SMARCA2: variants seen among roughly 807,000 people sequenced by gnomAD.
SMARCA2 encodes the protein SWI/SNF related BAF chromatin remodeling complex subunit ATPase 2.
A neutral mutation model predicts 199.8 loss-of-function variants in SMARCA2; 61 were observed. The observed-to-expected ratio is 0.31, with a 90% confidence interval of 0.25 to 0.38. The LOEUF (loss-of-function observed/expected upper bound fraction) is 0.38. Ranked by LOEUF, SMARCA2 falls within the 10% of genes least tolerant of loss-of-function variation. SMARCA2 has a pLI of 1.00. For synonymous variants in SMARCA2, 935 were observed against 732.0 expected (o/e 1.28, Z -4.48); for missense variants, 1,344 against 2,012.2 (o/e 0.67, Z 6.35).
chr9:2,030,598 C>T (rs1299281886), intron 2 of SMARCA2, among the ~76,000 whole-genome samples: 1 of 150,452 alleles, frequency 6.6e-6, no homozygotes, highest in Admixed American at 6.6e-5. Context: ...GTGAGGCCCA[C>T]CGACATTGCT....
At chr9:2,107,914 G>A (rs896577976) in intron 23 of SMARCA2, among the ~76,000 whole-genome samples, 2 of 152,074 alleles carry the variant, frequency 1.3e-5, no homozygotes, top group African/African-American at 2.4e-5. Context: ...AAAGATGGAA[G>A]AACAGCCCTC....
rs1367625549 is a variant in SMARCA2, at chr9:2,028,976, T to C, written c.-36-11T>C. 6.5e-7 allele frequency: 1 copy of C among 1,538,694 alleles called. No individual in the cohort carries two copies. Among genetic ancestry groups the C allele is most frequent in the Admixed American group, 2.1e-5 (1 of 47,022 alleles). ...AAAACATGCCTTCCTTTTTTCTGCT[T>C]TTCAACTTAGCATTACTCTACTGAC... On this transcript the variant is annotated splice_polypyrimidine_tract_variant and intron_variant, in intron 1 of 33. Transcript: ENST00000349721.
intron 27 of SMARCA2, among the ~76,000 whole-genome samples, chr9:2,144,078 G>GA (rs1302073018): frequency 5.3e-5 from 8 of 151,860 alleles, no homozygotes; most frequent in African/African-American, 1.2e-4. Flanking sequence ...GATGGGGGGG[G>GA]ATGTAGGCAT....
In SMARCA2 at chr9:2,046,218, T is replaced by C. The variant is rs1369883459; in HGVS notation, c.791-1011T>C. On this transcript the variant is annotated intron_variant, in intron 4 of 33. Transcript: ENST00000349721. ...GGTAGCATCACTAAAATTATAATTT[T>C]AAGGCAACTGAAAATTCATCTAGGA... Among the ~76,000 whole-genome samples, 4 of 152,210 alleles carry C rather than the reference T, an allele frequency of 2.6e-5. No individual in the cohort carries two copies. The East Asian group carries it at 5.8e-4, about 22-fold the overall frequency.
intron 10 of SMARCA2, among the ~76,000 whole-genome samples, chr9:2,070,944 A>G (rs1338654930): frequency 6.6e-6 from 1 of 152,202 alleles, no homozygotes; most frequent in Non-Finnish European, 1.5e-5. Flanking sequence ...TTCTATGTGT[A>G]TGTTCATCAG....
At chr9:2,158,003 G>T in intron 27 of SMARCA2, 1 of 396,294 alleles carries the variant, frequency 2.5e-6, no homozygotes, top group South Asian at 1.3e-4. Context: ...AATCCTGCAT[G>T]ACTGTCTCCT....
Position 2,104,230 on chromosome 9 carries a change from A to G in SMARCA2, c.3292+61A>G, listed in dbSNP as rs539280353. 3.2e-5 allele frequency: 46 copies of G among 1,437,438 alleles called. No individual in the cohort carries two copies. The African/African-American group carries it at 5.6e-4, about 18-fold the overall frequency. The allele number at this position is 1,437,438 out of a possible 1,614,324, so 89.0% of individuals were successfully genotyped here. On this transcript the variant is annotated intron_variant, in intron 23 of 33. Transcript: ENST00000349721. The surrounding 1 kb of genome is among the most constrained non-coding windows in gnomAD (Gnocchi z 4.0). Reference sequence around the variant, plus strand: ...TACTGAAAATGAAGGGATAATGGGCACTTAGGTCCAATCTCAGCCAAAAAG... The same window carrying G: ...TACTGAAAATGAAGGGATAATGGGCGCTTAGGTCCAATCTCAGCCAAAAAG...
At chr9:2,064,210 G>C (rs563749110) in intron 9 of SMARCA2, among the ~76,000 whole-genome samples, 1 of 152,316 alleles carries the variant, frequency 6.6e-6, no homozygotes, top group South Asian at 2.1e-4. Flanking sequence ...ACCACTGTCT[G>C]AGTCGTGTTA....
intron 27 of SMARCA2, among the ~76,000 whole-genome samples, chr9:2,144,616 C>A (rs968758482): frequency 6.6e-6 from 1 of 152,178 alleles, no homozygotes; most frequent in Non-Finnish European, 1.5e-5. Context: ...AAAGCACTCA[C>A]CATATGGAGG....
chr9:2,119,423 T>C lies in SMARCA2; in HGVS notation c.3685-35T>C. 1 of 1,439,378 alleles carries C rather than the reference T, an allele frequency of 6.9e-7. No homozygotes were observed. Among genetic ancestry groups the C allele is most frequent in the Non-Finnish European group, 9.8e-7 (1 of 1,020,750 alleles). The allele number at this position is 1,439,378 out of a possible 1,614,324, so 89.2% of individuals were successfully genotyped here. A position where few individuals can be genotyped will look rare whatever the true frequency, so the allele number is the denominator to read the frequency against. ...ACTTGTTTGTACCTTGCCCCAGCTG[T>C]CCACTGGTTAAAATCACTCTGTTTT... On this transcript the variant is annotated intron_variant, in intron 25 of 33. Transcript: ENST00000349721. The surrounding 1 kb of genome is among the most constrained non-coding windows in gnomAD (Gnocchi z 4.6).
At chr9:2,146,967 T>G (rs2130705696) in intron 27 of SMARCA2, among the ~76,000 whole-genome samples, 1 of 152,312 alleles carries the variant, frequency 6.6e-6, no homozygotes, top group East Asian at 1.9e-4. Context: ...TGACAATGCC[T>G]TAACTGTCTG....
Position 2,086,707 on chromosome 9 carries a change from T to C in SMARCA2, c.2527-122T>C. 1.0e-6 allele frequency: 1 copy of C among 1,001,918 alleles called. No individual in the cohort carries two copies. The highest frequency in any genetic ancestry group is 1.5e-5 in the South Asian group (1 of 66,796). 62.1% of individuals were successfully genotyped at this position (1,001,918 alleles called of 1,614,324 possible). Reference sequence around the variant, plus strand: ...TGTTGAGATTCCCTTGTCTCAAAGGTAATCACAGCATATCATATACCAAGG... The same window carrying C: ...TGTTGAGATTCCCTTGTCTCAAAGGCAATCACAGCATATCATATACCAAGG... On this transcript the variant is annotated intron_variant, in intron 17 of 33. Transcript: ENST00000349721. The surrounding 1 kb of genome is among the most constrained non-coding windows in gnomAD (Gnocchi z 4.3).
At position 2,151,012 on chromosome 9, in the gene SMARCA2, T is replaced by C. The variant is rs1474795203; in HGVS notation, c.3982-10674T>C. On this transcript the variant is annotated intron_variant, in intron 27 of 33. Coordinates refer to ENST00000349721, the MANE Select transcript of SMARCA2 (RefSeq NM_003070.5). ...AGTCTTGGGGATTAGGACCTCAACGTATGAATTTTAGAGGGATGCAGTTCA... is the reference window on the plus strand; with the variant it reads ...AGTCTTGGGGATTAGGACCTCAACGCATGAATTTTAGAGGGATGCAGTTCA... Among the ~76,000 whole-genome samples the C allele has an allele frequency of 1.3e-5, 2 of 151,590 alleles. 1 individual carries two copies. Among genetic ancestry groups the C allele is most frequent in the African/African-American group, 4.8e-5 (2 of 41,368 alleles).
rs748870675 is a variant in SMARCA2 at position 2,167,556 on chromosome 9, C to T, written c.4200-2863C>T. Among the ~76,000 whole-genome samples, 106 of 152,324 alleles carry T rather than the reference C, an allele frequency of 7.0e-4. No homozygotes were observed. In the Middle Eastern group the frequency reaches 0.017, roughly 24 times the overall value. ...CCAATTGGTGAACACAGCTCCGGGG[C>T]ACAGAGGGGTGGCAGCCACGTGGCT... On this transcript the variant is annotated intron_variant, in intron 28 of 33. Transcript: ENST00000349721.
chr9:2,047,639 G>T, intron 5 of SMARCA2, 155 bp downstream of exon 5: 2 of 918,218 alleles, frequency 2.2e-6, no homozygotes, highest in Non-Finnish European at 2.8e-6. Flanking sequence ...CCTTCCCGGT[G>T]CTGAGGGGAG....
rs1825371892 is a variant in SMARCA2, at chr9:2,156,499, G to A, written c.3982-5187G>A. On this transcript the variant is annotated intron_variant, in intron 27 of 33. Transcript: ENST00000349721. The stretch of plus-strand genomic sequence containing the variant: ...GGCTGGAGTGCAATGGCACAATCTT[G>A]GCTAATTGCAACCTCAGCCTCCCGA... 2.3e-5 allele frequency among the ~76,000 whole-genome samples: 3 copies of A among 127,872 alleles called. No individual in the cohort carries two copies. The Admixed American group carries it at 2.9e-4, about 12-fold the overall frequency. 83.9% of individuals were successfully genotyped at this position (127,872 alleles called of 152,430 possible). A position where few individuals can be genotyped will look rare whatever the true frequency, so the allele number is the denominator to read the frequency against.
At chr9:2,153,579 T>A (rs889066326) in intron 27 of SMARCA2, among the ~76,000 whole-genome samples, 1 of 152,218 alleles carries the variant, frequency 6.6e-6, no homozygotes, top group Non-Finnish European at 1.5e-5. Flanking sequence ...AGAGTTTTTT[T>A]AATAGGGAAA....
intron 14 of SMARCA2, among the ~76,000 whole-genome samples, chr9:2,080,387 G>A (rs1821512933): frequency 6.6e-6 from 1 of 152,094 alleles, no homozygotes; most frequent in Admixed American, 6.5e-5. Context: ...TTCTACTTCT[G>A]TTTTGTATTG....
chr9:2,143,618 A>G (rs59028650), intron 27 of SMARCA2, among the ~76,000 whole-genome samples: 25,534 of 152,176 alleles, frequency 0.17, 2,455 homozygotes, highest in East Asian at 0.31. Flanking sequence ...GGTAAACTAT[A>G]TGATGACAAA....
Sources: allele counts gnomAD v4.1 joint callset (sites outside exome capture counted in the v4.1 genomes callset), GRCh38; gene constraint gnomAD v4.1.1; non-coding constraint Gnocchi (gnomAD v3.1); transcripts MANE v1.5; gene names NCBI Gene and HGNC (gene_info 2026-07-23, HGNC 2026-07-21).